The following BCORL1 variants were observed in gnomAD, a reference collection of about 807,000 sequenced individuals.
BCORL1 encodes the protein BCL6 corepressor like 1.
Under a neutral mutation model 87.6 loss-of-function variants are expected in BCORL1, and 7 were observed. The observed-to-expected ratio is 0.08, with a 90% CI of 0.05 to 0.15. The LOEUF (loss-of-function observed/expected upper bound fraction) is 0.15, where lower values mean the gene tolerates loss of function less well. Ranked by LOEUF, BCORL1 falls within the 10% of genes least tolerant of loss-of-function variation. The pLI is 1.00. For missense variants in BCORL1, 1,215 were observed against 1,499.7 expected (o/e 0.81, Z 3.13); for synonymous variants, 591 against 634.4 (o/e 0.93, Z 1.03).
At chrX:130,047,649 C>G (rs1264837822) in intron 11 of BCORL1, among the ~76,000 whole-genome samples, 1 of 111,955 alleles carries the variant, frequency 8.9e-6, no homozygotes, top group Non-Finnish European at 1.9e-5. Flanking sequence ...CCTTGTGTGT[C>G]CTCTTGTGGG....
chrX:129,983,744 T>C (rs1447318390), intron 1 of BCORL1, among the ~76,000 whole-genome samples: 1 of 105,233 alleles, frequency 9.5e-6, no homozygotes, highest in African/African-American at 3.5e-5. Context: ...GGGGCTTAAA[T>C]TGAAGGAAGA....
intron 1 of BCORL1, among the ~76,000 whole-genome samples, chrX:129,993,792 TTTTA>T (rs1164334507): frequency 8.9e-6 from 1 of 111,899 alleles, no homozygotes; most frequent in Non-Finnish European, 1.9e-5. Context: ...TTAATTTTTA[TTTTA>T]TTTATTTATT....
intron 8 of BCORL1, among the ~76,000 whole-genome samples, chrX:130,030,096 A>G (rs1930493391): frequency 9.0e-6 from 1 of 111,518 alleles, no homozygotes; most frequent in African/African-American, 3.3e-5. Context: ...TTATTTCTTC[A>G]TCTTGAAGAA....
At position 130,041,918 on chromosome X, in the gene BCORL1, C is replaced by T. The variant is rs771390965; in HGVS notation, c.4840+2636C>T. On this transcript the variant is annotated intron_variant, in intron 11 of 13. Transcript: ENST00000540052. ...CTGGAATTACAGGCGTGAGCCACCG[C>T]GCCCGGCCCCAGAGAAGACTTTTCT... is the stretch of plus-strand genomic sequence containing the variant. Among the ~76,000 whole-genome samples the T allele has an allele frequency of 2.8e-3, 310 of 111,134 alleles. 2 individuals are homozygous for T. Among genetic ancestry groups the T allele is most frequent in the Non-Finnish European group, 4.2e-3 (223 of 52,838 alleles).
chrX:130,030,265 T>C (rs1295548741), intron 8 of BCORL1, among the ~76,000 whole-genome samples: 1 of 111,747 alleles, frequency 8.9e-6, no homozygotes, highest in Non-Finnish European at 1.9e-5. Context: ...AACAGAGGCA[T>C]AGCGTGGCAG....
chrX:130,029,244 G>A (rs949364706), intron 8 of BCORL1, among the ~76,000 whole-genome samples: 1 of 111,489 alleles, frequency 9.0e-6, no homozygotes, highest in East Asian at 2.8e-4. Flanking sequence ...TAGGAGGAAG[G>A]ATTTTAAGGT....
intron 11 of BCORL1, among the ~76,000 whole-genome samples, chrX:130,047,696 G>A (rs1028060407): frequency 9.8e-5 from 11 of 111,678 alleles, no homozygotes; most frequent in African/African-American, 3.3e-4. Context: ...CATGTGTTTC[G>A]GCATGTTGGT....
intron 2 of BCORL1, among the ~76,000 whole-genome samples, chrX:130,011,340 C>T (rs1282332166): frequency 5.4e-5 from 6 of 110,470 alleles, no homozygotes; most frequent in Admixed American, 2.9e-4. Flanking sequence ...CAGACTCAAG[C>T]GATTCTCCTG....
intron 11 of BCORL1, among the ~76,000 whole-genome samples, chrX:130,043,763 T>TAC (rs1931511253): frequency 6.2e-5 from 1 of 16,150 alleles, no homozygotes; most frequent in African/African-American, 4.5e-4. Flanking sequence ...TATATATATA[T>TAC]ATATATATAT....
At position 130,016,059 on chromosome X, in the gene BCORL1, T is replaced by C. The variant is rs1428613386; in HGVS notation, c.3287T>C (p.Val1096Ala). 3.7e-5 allele frequency: 45 copies of C among 1,211,006 alleles called. No individual in the cohort carries two copies. The highest frequency in any genetic ancestry group is 4.8e-5 in the Non-Finnish European group (43 of 895,364). ...AGQARVKQES[V>A]GVFACKNKWQ... ...CAGGCTCGAGTGAAACAGGAAAGCG[T>C]AGGGGTCTTTGCTTGCAAGAACAAG... is the stretch of plus-strand genomic sequence containing the variant. The change falls in exon 4 of 14, where the codon GTA becomes GCA. Residue 1096 changes from valine (V) to alanine (A), a missense_variant. By Grantham distance (64) the Val-to-Ala change is moderately conservative. Transcript: ENST00000540052.
intron 2 of BCORL1, among the ~76,000 whole-genome samples, chrX:130,009,927 G>T (rs1237468853): frequency 9.0e-6 from 1 of 111,407 alleles, no homozygotes. Context: ...CCTGTCCCAG[G>T]CTCTTCTCTC....
chrX:130,050,701 GCT>G lies in BCORL1; in HGVS notation c.4841-13_4841-12del. 2.5e-6 allele frequency: 3 copies of G among 1,205,958 alleles called. No individual in the cohort carries two copies. Among genetic ancestry groups the G allele is most frequent in the Non-Finnish European group, 3.4e-6 (3 of 890,378 alleles). On this transcript the variant is annotated splice_polypyrimidine_tract_variant and intron_variant, in intron 11 of 13. Coordinates refer to ENST00000540052, the MANE Select transcript of BCORL1 (RefSeq NM_001379451.1). ...GCCTAACCTCCTTGTCTCACTGCCT[GCT>G]CTTCTTTCATCAGATCACCTCTCGG... is the stretch of plus-strand genomic sequence containing the variant.
upstream of BCORL1, among the ~76,000 whole-genome samples, chrX:129,980,480 GCCC>G (rs1461692868): frequency 8.9e-6 from 1 of 111,909 alleles, no homozygotes; most frequent in East Asian, 2.9e-4. Context: ...GCTTCCCGCG[GCCC>G]CCACCCCGCG....
chrX:130,053,092 A>G (rs1461666610), intron 13 of BCORL1, among the ~76,000 whole-genome samples: 1 of 111,968 alleles, frequency 8.9e-6, no homozygotes, highest in Non-Finnish European at 1.9e-5. Context: ...GTGAGCTGAT[A>G]TTGCCTGCTA....
chrX:130,028,575 C>T, intron 7 of BCORL1, 60 bp from the exon 8 acceptor site: 6 of 996,920 alleles, frequency 6.0e-6, no homozygotes, highest in Admixed American at 2.3e-5. Flanking sequence ...TAGAGGAAGG[C>T]GTTGCTTTTC....
intron 13 of BCORL1, among the ~76,000 whole-genome samples, chrX:130,054,253 C>G (rs1258871949): frequency 8.9e-6 from 1 of 112,414 alleles, no homozygotes; most frequent in Non-Finnish European, 1.9e-5. Context: ...TGCTATGCTG[C>G]AGAGTGAACC....
At chrX:130,035,560 T>C in intron 9 of BCORL1, among the ~76,000 whole-genome samples, 1 of 112,016 alleles carries the variant, frequency 8.9e-6, no homozygotes, top group East Asian at 2.8e-4. Flanking sequence ...CTGAGTTGTT[T>C]CACACCAGCC....
chrX:130,051,463 C>T (rs1452552212), intron 12 of BCORL1, among the ~76,000 whole-genome samples: 2 of 112,882 alleles, frequency 1.8e-5, no homozygotes, highest in African/African-American at 6.4e-5. Context: ...TTCGTGGGAG[C>T]CCTGCAGGCA....
intron 7 of BCORL1, 129 bp downstream of exon 7, chrX:130,025,508 G>A (rs1317197221): frequency 1.3e-5 from 8 of 609,050 alleles, no homozygotes; most frequent in Non-Finnish European, 2.0e-5. Flanking sequence ...AGCTGCCAGA[G>A]GGGGTCACTC....
Sources: allele counts gnomAD v4.1 joint callset (sites outside exome capture counted in the v4.1 genomes callset), GRCh38; gene constraint gnomAD v4.1.1; transcripts MANE v1.5; gene names NCBI Gene and HGNC (gene_info 2026-07-23, HGNC 2026-07-21).